LRP6: variants seen among roughly 807,000 people sequenced by gnomAD.
LRP6 encodes the protein low-density lipoprotein receptor-related protein 6.
A neutral mutation model predicts 184.1 loss-of-function variants in LRP6; 43 were observed. That is an observed-to-expected ratio of 0.23 (90% CI 0.18 to 0.30). The LOEUF (loss-of-function observed/expected upper bound fraction) is 0.30. LRP6 is among the 10% of genes least tolerant of loss of function. The pLI is 1.00. For missense variants in LRP6, 1,571 were observed against 2,005.3 expected (o/e 0.78, Z 4.14); for synonymous variants, 719 against 684.9 (o/e 1.05, Z -0.78).
Position 12,166,573 on chromosome 12 carries a change from G to A in LRP6, c.1546-1278C>T, listed in dbSNP as rs940410611. On this transcript the variant is annotated intron_variant, in intron 7 of 22. Transcript: ENST00000261349. ...CATTATCTTACATTTAATAAATTAC[G>A]CTAATTTTGCTGATCTTTACATTCA... Among the ~76,000 whole-genome samples the A allele has an allele frequency of 4.0e-5, 6 of 151,790 alleles. No homozygotes were observed. In the East Asian group the frequency reaches 5.8e-4, roughly 15 times the overall value.
chr12:12,142,043 A>C (rs1591879279), intron 15 of LRP6, among the ~76,000 whole-genome samples: 3 of 152,206 alleles, frequency 2.0e-5, no homozygotes, highest in African/African-American at 2.4e-5. Flanking sequence ...TTTAACGTCT[A>C]AAAGAGAAAA....
At chr12:12,200,011 A>C (rs764214604) in intron 3 of LRP6, among the ~76,000 whole-genome samples, 151 of 143,404 alleles carry the variant, frequency 1.1e-3, no homozygotes, top group Non-Finnish European at 1.9e-3. Context: ...GGCTCTTCTC[A>C]TCCAGAGGTA....
intron 2 of LRP6, among the ~76,000 whole-genome samples, chr12:12,231,785 T>A (rs1864796773): frequency 6.6e-6 from 1 of 151,742 alleles, no homozygotes; most frequent in East Asian, 1.9e-4. Flanking sequence ...GAGGCTGAGA[T>A]GGGCAGATCA....
rs1011989409 is a variant in LRP6 at position 12,121,002 on chromosome 12, A to G, written c.*124T>C. The stretch of plus-strand genomic sequence containing the variant: ...TCTCCAGTATTCCCTACCCCATTTT[A>G]TAATTTTAACTGTACATGGTCTGCC... On this transcript the variant is annotated 3_prime_UTR_variant, in exon 23 of 23. Coordinates refer to ENST00000261349, the MANE Select transcript of LRP6 (RefSeq NM_002336.3). 8 of 746,926 alleles carry G rather than the reference A, an allele frequency of 1.1e-5. No homozygotes were observed. The highest frequency in any genetic ancestry group is 1.1e-4 in the African/African-American group (6 of 56,716). The allele number at this position is 746,926 out of a possible 1,614,324, so 46.3% of individuals were successfully genotyped here. A position where few individuals can be genotyped will look rare whatever the true frequency, so the allele number is the denominator to read the frequency against.
chr12:12,193,008 T>C lies in LRP6; in HGVS notation c.648-5889A>G, dbSNP rs1295844971. ...AATTAATCTTAAAAGACTGAACTCA[T>C]ATAAAATAAAAAGACTGAACTCATA... is the stretch of plus-strand genomic sequence containing the variant. On this transcript the variant is annotated intron_variant, in intron 3 of 22. Coordinates refer to ENST00000261349, the MANE Select transcript of LRP6 (RefSeq NM_002336.3). 6.6e-5 allele frequency among the ~76,000 whole-genome samples: 10 copies of C among 152,110 alleles called. No individual in the cohort carries two copies. The South Asian group carries it at 1.5e-3, about 22-fold the overall frequency.
intron 1 of LRP6, among the ~76,000 whole-genome samples, chr12:12,251,147 G>A (rs1175438692): frequency 1.3e-5 from 2 of 152,052 alleles, no homozygotes; most frequent in Non-Finnish European, 2.9e-5. Flanking sequence ...TAGCCAGGCT[G>A]GTCTTAAACT....
At chr12:12,180,100 G>GA in intron 6 of LRP6, 119 bp from the exon 7 acceptor site, 3 of 752,648 alleles carry the variant, frequency 4.0e-6, no homozygotes, top group Non-Finnish European at 6.6e-6. Context: ...GCCAAGGAAG[G>GA]GGAAAAAAAA....
chr12:12,247,997 G>A (rs1245046644), intron 1 of LRP6, among the ~76,000 whole-genome samples: 1 of 152,012 alleles, frequency 6.6e-6, no homozygotes, highest in Non-Finnish European at 1.5e-5. Context: ...TTTATCCTCA[G>A]ATCATCTCAT....
chr12:12,253,538 T>C (rs1865379003), intron 1 of LRP6, among the ~76,000 whole-genome samples: 1 of 151,874 alleles, frequency 6.6e-6, no homozygotes, highest in African/African-American at 2.4e-5. Context: ...ACTGGTCATT[T>C]ACATTAGGTG....
At chr12:12,200,468 G>T (rs898896423) in intron 3 of LRP6, among the ~76,000 whole-genome samples, 3 of 152,108 alleles carry the variant, frequency 2.0e-5, no homozygotes, top group Admixed American at 6.5e-5. Flanking sequence ...CATCTCACTG[G>T]TACTGCCACC....
At chr12:12,213,164 T>A (rs1864253479) in intron 2 of LRP6, among the ~76,000 whole-genome samples, 1 of 152,158 alleles carries the variant, frequency 6.6e-6, no homozygotes, top group South Asian at 2.1e-4. Context: ...TAAAATCAAA[T>A]GTGTGTGGAA....
chr12:12,244,445 A>G lies in LRP6; in HGVS notation c.266T>C (p.Val89Ala). The G allele has an allele frequency of 6.2e-7, 1 of 1,614,208 alleles. No homozygotes were observed. Among genetic ancestry groups the G allele is most frequent in the Non-Finnish European group, 8.5e-7 (1 of 1,180,032 alleles). The change falls in exon 2 of 23, where the codon GTT becomes GCT. Residue 89 changes from valine to alanine, a missense_variant. This residue lies in a region of LRP6 where 640 missense variants were observed against 851.9 expected (regional missense o/e 0.75). Coordinates refer to ENST00000261349, the MANE Select transcript of LRP6 (RefSeq NM_002336.3). ...GGGGGACAATAATCCAGAAACAACA[A>G]CATTCTGCACACTCTCAGTTTTGTT... is the stretch of plus-strand genomic sequence containing the variant. ...EFNKTESVQN[V>A]VVSGLLSPDG...
In LRP6 at chr12:12,185,848, T is replaced by TG. The variant is rs1491327001; in HGVS notation, c.844+1074_844+1075insC. On this transcript the variant is annotated intron_variant, in intron 4 of 22. Transcript: ENST00000261349. ...TTTTTGTGTGTGTGTGTGTTTTTTG[T>TG]TTTTTTTTTTTTTGAGACATAATTT... Among the ~76,000 whole-genome samples the TG allele has an allele frequency of 3.0e-4, 8 of 26,618 alleles. No homozygotes were observed. The East Asian group carries it at 0.024, about 80-fold the overall frequency. The allele number at this position is 26,618 out of a possible 152,430, so 17.5% of individuals were successfully genotyped here.
intron 7 of LRP6, among the ~76,000 whole-genome samples, chr12:12,176,713 C>T (rs1201661535): frequency 3.3e-5 from 5 of 152,178 alleles, no homozygotes; most frequent in African/African-American, 1.2e-4. Context: ...CACAGTGAGA[C>T]TTTCCCATGT....
chr12:12,244,179 T>C, intron 2 of LRP6, 83 bp downstream of exon 2: 1 of 1,364,592 alleles, frequency 7.3e-7, no homozygotes, highest in South Asian at 1.2e-5. Context: ...CTTTCTTTTC[T>C]CATAGGGGTC....
chr12:12,183,914 G>C (rs938041384), intron 5 of LRP6, 66 bp downstream of exon 5: 9 of 1,479,782 alleles, frequency 6.1e-6, no homozygotes, highest in Non-Finnish European at 8.5e-6. Flanking sequence ...GCTGATTATA[G>C]AGAAAACAAA....
intron 2 of LRP6, among the ~76,000 whole-genome samples, chr12:12,233,741 T>C (rs182317133): frequency 1.1e-3 from 167 of 152,276 alleles, no homozygotes; most frequent in African/African-American, 3.9e-3. Flanking sequence ...TCATCGCAAG[T>C]TGTGTGAAAG....
chr12:12,124,586 G>T lies in LRP6; in HGVS notation c.4526C>A (p.Pro1509His), dbSNP rs1254309406. ...TMEFGYSSNS[P>H]STHRSYSYRP... The stretch of plus-strand genomic sequence containing the variant: ...TTACCTGTATGACCTATGAGTGGAA[G>T]GACTGTTTGAAGAATATCCAAATTC... The change falls in exon 22 of 23, where the codon CCT becomes CAT. Residue 1509 changes from proline to histidine, a missense_variant. Physicochemically the swap from Pro to His is moderately conservative, Grantham distance 77. Transcript: ENST00000261349. 1 of 1,611,542 alleles carries T rather than the reference G, an allele frequency of 6.2e-7. No homozygotes were observed. The highest frequency in any genetic ancestry group is 1.3e-5 in the African/African-American group (1 of 74,840).
At chr12:12,242,878 G>A (rs1393321019) in intron 2 of LRP6, among the ~76,000 whole-genome samples, 1 of 148,208 alleles carries the variant, frequency 6.7e-6, no homozygotes, top group African/African-American at 2.6e-5. Flanking sequence ...ATGGCATCCT[G>A]TTCAACCTCT....
Sources: gnomAD v4.1 joint callset for allele counts (sites outside exome capture counted in the v4.1 genomes callset) on GRCh38, gnomAD v4.1.1 for gene constraint, gnomAD v4.1.1 regional missense constraint, MANE v1.5 for transcripts, NCBI Gene and HGNC (gene_info 2026-07-23, HGNC 2026-07-21) for gene names.